Variants in ATXN1 observed in about 807,000 individuals in gnomAD.
ATXN1 encodes ataxin 1, also known as ataxin-1.
In ATXN1, 8 loss-of-function variants were observed where a neutral mutation model predicts 56.4. That is an observed-to-expected ratio of 0.14 (90% CI 0.08 to 0.26). The LOEUF is 0.26. Ranked by LOEUF, ATXN1 falls within the 10% of genes least tolerant of loss-of-function variation. The pLI is 1.00. For missense variants in ATXN1, 987 were observed against 1,106.5 expected (o/e 0.89, Z 1.53); for synonymous variants, 514 against 494.6 (o/e 1.04, Z -0.52).
Position 16,592,491 on chromosome 6 carries a change from C to G in ATXN1, c.-488-6584G>C, listed in dbSNP as rs528453166. Among the ~76,000 whole-genome samples the G allele has an allele frequency of 8.9e-4, 135 of 152,258 alleles. 1 individual carries two copies. The highest frequency in any genetic ancestry group is 3.1e-3 in the South Asian group (15 of 4,824). On this transcript the variant is annotated intron_variant, in intron 3 of 7. Transcript: ENST00000436367. ...AACAGGTTTCTCATAATATCCTACCCAGGCCCACAGTTAGACGTATTAGTC... is the reference window on the plus strand; with the variant it reads ...AACAGGTTTCTCATAATATCCTACCGAGGCCCACAGTTAGACGTATTAGTC...
chr6:16,321,787 T>TC (rs1424038268), intron 7 of ATXN1, among the ~76,000 whole-genome samples: 1 of 152,182 alleles, frequency 6.6e-6, no homozygotes, highest in African/African-American at 2.4e-5. Flanking sequence ...TAGCATGAGG[T>TC]CAGTACATGT....
At chr6:16,669,733 A>G (rs1387235526) in intron 2 of ATXN1, among the ~76,000 whole-genome samples, 1 of 150,454 alleles carries the variant, frequency 6.6e-6, no homozygotes, top group Non-Finnish European at 1.5e-5. Context: ...CAGGTTTGTT[A>G]CATAAGTATA....
At chr6:16,614,111 C>T (rs961430732) in intron 3 of ATXN1, among the ~76,000 whole-genome samples, 11 of 151,414 alleles carry the variant, frequency 7.3e-5, no homozygotes, top group Middle Eastern at 6.8e-3. Flanking sequence ...CTCAGAGGAG[C>T]GATTGTGGAA....
At chr6:16,571,020 T>C (rs1247070734) in intron 4 of ATXN1, among the ~76,000 whole-genome samples, 1 of 152,190 alleles carries the variant, frequency 6.6e-6, no homozygotes, top group Non-Finnish European at 1.5e-5. Context: ...CATGGCCTGA[T>C]TTCCCAATCC....
At position 16,306,683 on chromosome 6, in the gene ATXN1, G is replaced by A. The variant is rs149210946; in HGVS notation, c.2094C>T (p.Gly698=). 3 of 1,614,194 alleles carry A rather than the reference G, an allele frequency of 1.9e-6. No homozygotes were observed. Among genetic ancestry groups the A allele is most frequent in the African/African-American group, 1.3e-5 (1 of 75,038 alleles). ...KNLKNGSVKK[G]QPVDPASVLL... ...GGACGCTGGCGGGATCCACGGGCTG[G>A]CCCTTTTTAACAGAGCCGTTCTTCA... Residue 698 remains glycine (G), a synonymous_variant, in exon 8 of 8, where the codon GGC becomes GGT. Transcript: ENST00000436367. The surrounding 1 kb of genome is among the most constrained non-coding windows in gnomAD (Gnocchi z 5.2).
At position 16,327,984 on chromosome 6, in the gene ATXN1, C is replaced by T. The variant is rs114230242; in HGVS notation, c.327G>A (p.Pro109=). ...CGGGGGACACCGGGGTCCCTGGCTG[C>T]GGGGTGGCGTACGCGGCAGGCAGCG... ...ATTLPAAYAT[P]QPGTPVSPVQ... is the part of the protein sequence containing the mutation. The change falls in exon 7 of 8, where the codon CCG becomes CCA. Residue 109 remains proline (P), a synonymous_variant. Transcript: ENST00000436367. The T allele has an allele frequency of 2.3e-3, 3,672 of 1,613,418 alleles. 4 individuals are homozygous for T. Among genetic ancestry groups the T allele is most frequent in the Non-Finnish European group, 2.8e-3 (3,317 of 1,179,748 alleles).
At chr6:16,397,038 T>G (rs931657655) in intron 6 of ATXN1, among the ~76,000 whole-genome samples, 2 of 152,220 alleles carry the variant, frequency 1.3e-5, no homozygotes, top group Non-Finnish European at 2.9e-5. Context: ...AAGGACGATG[T>G]AAGGATGCAT....
At chr6:16,447,950 C>T (rs988148708) in intron 6 of ATXN1, among the ~76,000 whole-genome samples, 12 of 152,254 alleles carry the variant, frequency 7.9e-5, no homozygotes, top group Non-Finnish European at 1.6e-4. Context: ...AATTCAGGGG[C>T]TAGGGTCTAA....
chr6:16,313,702 G>A (rs954212863), intron 7 of ATXN1, among the ~76,000 whole-genome samples: 1 of 151,712 alleles, frequency 6.6e-6, no homozygotes. Context: ...GATTACAGGT[G>A]CCCACCACCA....
chr6:16,672,826 C>A (rs1007550420), intron 2 of ATXN1, among the ~76,000 whole-genome samples: 1 of 151,936 alleles, frequency 6.6e-6, no homozygotes, highest in Non-Finnish European at 1.5e-5. Flanking sequence ...TCGAGACCAG[C>A]CTGGCCAACA....
chr6:16,352,868 G>C (rs903299452), intron 6 of ATXN1, among the ~76,000 whole-genome samples: 5 of 152,118 alleles, frequency 3.3e-5, no homozygotes, highest in Non-Finnish European at 5.9e-5. Context: ...TAGAACGATT[G>C]TAACAGTATG....
Position 16,581,212 on chromosome 6 carries a change from TGTGTGTGTGTGTGC to T in ATXN1, c.-361+4554_-361+4567del, listed in dbSNP as rs1210107083. Among the ~76,000 whole-genome samples the T allele has an allele frequency of 1.8e-3, 253 of 142,486 alleles. 1 individual carries two copies. Among genetic ancestry groups the T allele is most frequent in the African/African-American group, 6.1e-3 (235 of 38,580 alleles). The allele number at this position is 142,486 out of a possible 152,430, so 93.5% of individuals were successfully genotyped here. On this transcript the variant is annotated intron_variant, in intron 4 of 7. Coordinates refer to ENST00000436367, the MANE Select transcript of ATXN1 (RefSeq NM_001128164.2). ...AGAATGCACTGTGTGTGTGTGTGTG[TGTGTGTGTGTGTGC>T]GCGCGTGTGTGTGTGTGTGTGTGTG...
At chr6:16,674,768 A>G (rs1457657716) in intron 2 of ATXN1, among the ~76,000 whole-genome samples, 2 of 152,110 alleles carry the variant, frequency 1.3e-5, no homozygotes, top group East Asian at 3.9e-4. Flanking sequence ...CATTCACTGA[A>G]AGGCTGGCTC....
At chr6:16,601,458 G>A (rs1762909546) in intron 3 of ATXN1, among the ~76,000 whole-genome samples, 1 of 151,980 alleles carries the variant, frequency 6.6e-6, no homozygotes, top group African/African-American at 2.4e-5. Context: ...GATTTCCAGG[G>A]GACTTTGAGT....
chr6:16,497,958 G>C (rs1760810482), intron 5 of ATXN1, among the ~76,000 whole-genome samples: 1 of 152,214 alleles, frequency 6.6e-6, no homozygotes, highest in Non-Finnish European at 1.5e-5. Context: ...TTAGAGAAGA[G>C]ATGGGGTCAA....
At chr6:16,637,042 C>T (rs1007716453) in intron 3 of ATXN1, among the ~76,000 whole-genome samples, 1 of 152,128 alleles carries the variant, frequency 6.6e-6, no homozygotes, top group Admixed American at 6.6e-5. Flanking sequence ...AAGGCACATG[C>T]GCACGTATGT....
intron 3 of ATXN1, among the ~76,000 whole-genome samples, chr6:16,634,274 T>G (rs1763554966): frequency 6.6e-6 from 1 of 152,226 alleles, no homozygotes; most frequent in Non-Finnish European, 1.5e-5. Flanking sequence ...TGGATTTCTC[T>G]GTAATGAAAA....
intron 2 of ATXN1, among the ~76,000 whole-genome samples, chr6:16,689,897 C>G (rs144500672): frequency 6.6e-6 from 1 of 151,940 alleles, no homozygotes; most frequent in Non-Finnish European, 1.5e-5. Flanking sequence ...ACGTCTGTAC[C>G]GTTTGATCAA....
At chr6:16,452,528 T>C (rs1166103406) in intron 6 of ATXN1, among the ~76,000 whole-genome samples, 2 of 152,224 alleles carry the variant, frequency 1.3e-5, no homozygotes, top group African/African-American at 4.8e-5. Context: ...TTCTGAAAAC[T>C]CATTTGTGAA....
Sources: allele counts gnomAD v4.1 joint callset (sites outside exome capture counted in the v4.1 genomes callset), GRCh38; gene constraint gnomAD v4.1.1; non-coding constraint Gnocchi (gnomAD v3.1); transcripts MANE v1.5; gene names NCBI Gene and HGNC (gene_info 2026-07-23, HGNC 2026-07-21).